Variants in ENTREP2 observed in about 807,000 individuals in gnomAD.
The protein encoded by ENTREP2 is protein ENTREP2.
At chr15:29,187,657 C>T in the ENTREP2 span, among the ~76,000 whole-genome samples, 1 of 152,242 alleles carries the variant, frequency 6.6e-6, no homozygotes, top group Non-Finnish European at 1.5e-5. Context: ...CATCCAGTGG[C>T]CAACCCAGAC....
the ENTREP2 span, among the ~76,000 whole-genome samples, chr15:29,564,566 C>G: frequency 6.6e-6 from 1 of 152,254 alleles, no homozygotes; most frequent in African/African-American, 2.4e-5. Flanking sequence ...CAGGTCCACA[C>G]ACAGTTAGTT....
chr15:29,202,206 T>C, the ENTREP2 span, among the ~76,000 whole-genome samples: 11 of 152,170 alleles, frequency 7.2e-5, no homozygotes, highest in African/African-American at 2.7e-4. Flanking sequence ...GTTGTCAAAG[T>C]ATCAGCTCCT....
chr15:29,392,477 A>T, the ENTREP2 span, among the ~76,000 whole-genome samples: 1 of 151,786 alleles, frequency 6.6e-6, no homozygotes, highest in East Asian at 1.9e-4. Flanking sequence ...GTTACGCTGG[A>T]AACACCCTAG....
the ENTREP2 span, chr15:29,268,259 C>A: frequency 1.1e-4 from 16 of 152,316 alleles, no homozygotes; most frequent in African/African-American, 3.6e-4. Flanking sequence ...TGAATATAAA[C>A]AATTACTATT....
At chr15:29,377,864 A>AT in the ENTREP2 span, among the ~76,000 whole-genome samples, 15,749 of 103,136 alleles carry the variant, frequency 0.15, 1,483 homozygotes, top group African/African-American at 0.31. Flanking sequence ...AATAATAATA[A>AT]AAAAATGAGC....
At chr15:29,269,504 CGCCCTGAGGCGAGGG>C in the ENTREP2 span, 3 of 1,600,412 alleles carry the variant, frequency 1.9e-6, no homozygotes, top group Admixed American at 1.7e-5. Context: ...GCCCGGCGGG[CGCCCTGAGGCGAGGG>C]GCCCTGCGAC....
chr15:29,143,779 C>A, the ENTREP2 span, among the ~76,000 whole-genome samples: 1 of 152,092 alleles, frequency 6.6e-6, no homozygotes, highest in Non-Finnish European at 1.5e-5. Context: ...CAACCAAAGC[C>A]ACAACTGAAT....
At chr15:29,168,494 A>ATCCTGGGG in the ENTREP2 span, among the ~76,000 whole-genome samples, 32 of 152,334 alleles carry the variant, frequency 2.1e-4, no homozygotes, top group African/African-American at 7.5e-4. Flanking sequence ...GATGAGACAC[A>ATCCTGGGG]TCCTGGGGCA....
At chr15:29,361,146 TG>T in the ENTREP2 span, among the ~76,000 whole-genome samples, 1 of 152,220 alleles carries the variant, frequency 6.6e-6, no homozygotes, top group African/African-American at 2.4e-5. Context: ...CAATAATATT[TG>T]GGCTGAATCC....
the ENTREP2 span, among the ~76,000 whole-genome samples, chr15:29,203,139 A>G: frequency 6.6e-6 from 1 of 152,214 alleles, no homozygotes; most frequent in Non-Finnish European, 1.5e-5. Context: ...ACGGTGGCTC[A>G]CGCCTATAAT....
the ENTREP2 span, among the ~76,000 whole-genome samples, chr15:29,187,555 T>C: frequency 2.0e-5 from 3 of 152,148 alleles, no homozygotes; most frequent in Admixed American, 6.5e-5. Flanking sequence ...GGATTACAGA[T>C]GGAAACCACT....
At chr15:29,631,521 G>A in the ENTREP2 span, among the ~76,000 whole-genome samples, 2 of 152,170 alleles carry the variant, frequency 1.3e-5, no homozygotes, top group African/African-American at 4.8e-5. Context: ...TGCCACCTGC[G>A]GGGCACTCTG....
the ENTREP2 span, among the ~76,000 whole-genome samples, chr15:29,222,990 G>A: frequency 6.6e-6 from 1 of 152,152 alleles, no homozygotes. Context: ...GTGTTTCCAG[G>A]CAAAACTGAA....
the ENTREP2 span, among the ~76,000 whole-genome samples, chr15:29,552,013 G>A: frequency 3.3e-5 from 5 of 152,256 alleles, no homozygotes; most frequent in African/African-American, 9.6e-5. Context: ...CCTTCCCTGT[G>A]GTTACAGATG....
At chr15:29,228,605 T>C in the ENTREP2 span, among the ~76,000 whole-genome samples, 1 of 152,192 alleles carries the variant, frequency 6.6e-6, no homozygotes, top group Non-Finnish European at 1.5e-5. Flanking sequence ...AACTTTATAC[T>C]GTGTATATTT....
the ENTREP2 span, among the ~76,000 whole-genome samples, chr15:29,227,882 C>A: frequency 6.6e-6 from 1 of 152,022 alleles, no homozygotes; most frequent in African/African-American, 2.4e-5. Flanking sequence ...CAGTTCTGAG[C>A]CAAGATATGA....
chr15:29,269,701 A>G, the ENTREP2 span: 3 of 1,537,864 alleles, frequency 2.0e-6, no homozygotes, highest in Non-Finnish European at 2.6e-6. Context: ...CGGTTTTTGC[A>G]ACATGTCTCC....
the ENTREP2 span, among the ~76,000 whole-genome samples, chr15:29,462,855 C>T: frequency 1.3e-5 from 2 of 152,078 alleles, no homozygotes; most frequent in Admixed American, 6.6e-5. Context: ...GAACCCTCTA[C>T]AATAAAATCA....
At chr15:29,585,327 T>C in the ENTREP2 span, among the ~76,000 whole-genome samples, 1 of 152,198 alleles carries the variant, frequency 6.6e-6, no homozygotes, top group Non-Finnish European at 1.5e-5. Flanking sequence ...TTATCTCTGA[T>C]CATTTTCAAA....
Sources: allele counts gnomAD v4.1 joint callset (sites outside exome capture counted in the v4.1 genomes callset), GRCh38; gene constraint gnomAD v4.1.1; transcripts MANE v1.5; gene names NCBI Gene and HGNC (gene_info 2026-07-23, HGNC 2026-07-21).